TRPC4: variants seen among roughly 807,000 people sequenced by gnomAD.
The protein encoded by TRPC4 is transient receptor potential cation channel subfamily C member 4.
TRPC4 carries 49 observed loss-of-function variants against 99.4 expected under a neutral mutation model. The observed-to-expected ratio is 0.49, with a 90% CI of 0.39 to 0.63. The LOEUF (loss-of-function observed/expected upper bound fraction) is 0.63, where lower values mean the gene tolerates loss of function less well. Among genes scored for constraint, TRPC4 ranks in the 20% least tolerant of loss-of-function variants. The pLI, the probability that TRPC4 is intolerant of heterozygous loss-of-function variation, is 0.00. For synonymous variants in TRPC4, 454 were observed against 425.9 expected (o/e 1.07, Z -0.81); for missense variants, 898 against 1,152.9 (o/e 0.78, Z 3.20).
Position 37,651,342 on chromosome 13 carries a change from A to T in TRPC4, c.2002T>A (p.Tyr668Asn). 1 of 1,614,136 alleles carries T rather than the reference A, an allele frequency of 6.2e-7. No individual in the cohort carries two copies. The highest frequency in any genetic ancestry group is 1.7e-4 in the Middle Eastern group (1 of 6,060). ...TGTGTCCAGATCCATTTGATCAGGT[A>T]CCAGAGAGACTTGGGGCTCGGGATG... ...NVIPSPKSLW[Y>N]LIKWIWTHLC... Residue 668 changes from tyrosine (Y) to asparagine (N), a missense_variant, in exon 8 of 11, where the codon TAC becomes AAC. Tyr to Asn is a moderately radical substitution (Grantham distance 143). Around this residue, in one of 3 missense-constraint regions of TRPC4, gnomAD observed 274 missense variants for 454.9 expected, o/e 0.60. Transcript: ENST00000379705.
chr13:37,864,672 G>A (rs939400074), intron 1 of TRPC4, among the ~76,000 whole-genome samples: 2 of 151,544 alleles, frequency 1.3e-5, no homozygotes, highest in Non-Finnish European at 3.0e-5. Flanking sequence ...TCTAGATCTG[G>A]AGACAGATCT....
intron 3 of TRPC4, among the ~76,000 whole-genome samples, chr13:37,699,353 C>A (rs999484364): frequency 6.6e-6 from 1 of 151,876 alleles, no homozygotes; most frequent in Admixed American, 6.6e-5. Context: ...GACATATATA[C>A]ACAAGTATGT....
chr13:37,751,227 GA>G (rs1448532996), intron 2 of TRPC4, among the ~76,000 whole-genome samples: 1 of 152,028 alleles, frequency 6.6e-6, no homozygotes, highest in Non-Finnish European at 1.5e-5. Flanking sequence ...GTATCCTCCG[GA>G]GCTCCTGTTT....
Position 37,850,355 on chromosome 13 carries a change from C to G in TRPC4, c.-28+19240G>C, listed in dbSNP as rs546184681. Among the ~76,000 whole-genome samples the G allele has an allele frequency of 3.3e-5, 5 of 152,292 alleles. No individual in the cohort carries two copies. In the East Asian group the frequency reaches 9.7e-4, roughly 29 times the overall value. The stretch of plus-strand genomic sequence containing the variant: ...AGAGCTCTTAGTTGGAACTCAGTTA[C>G]AAGTAATTTGTGCCAGATTAATAGT... On this transcript the variant is annotated intron_variant, in intron 1 of 10. Transcript: ENST00000379705.
intron 1 of TRPC4, among the ~76,000 whole-genome samples, chr13:37,847,793 T>C (rs903891420): frequency 2.0e-5 from 3 of 152,144 alleles, no homozygotes; most frequent in Non-Finnish European, 4.4e-5. Context: ...AAAGTGGACC[T>C]TATGAAGTCC....
chr13:37,717,021 G>A (rs1397293947), intron 3 of TRPC4, among the ~76,000 whole-genome samples: 1 of 152,130 alleles, frequency 6.6e-6, no homozygotes, highest in African/African-American at 2.4e-5. Context: ...TAGAGTAAGT[G>A]TGTAATAACA....
rs192073333 is a variant in TRPC4 at position 37,791,712 on chromosome 13, G to C, written c.-27-8352C>G. 1.4e-4 allele frequency among the ~76,000 whole-genome samples: 21 copies of C among 152,234 alleles called. No homozygotes were observed. In the East Asian group the frequency reaches 3.7e-3, roughly 27 times the overall value. ...GGGAAACAAGTTTTAAGATGAGATGGAGAAATTTGCAGGAGGAGAAGAGAT... is the reference window on the plus strand; with the variant it reads ...GGGAAACAAGTTTTAAGATGAGATGCAGAAATTTGCAGGAGGAGAAGAGAT... On this transcript the variant is annotated intron_variant, in intron 1 of 10. Transcript: ENST00000379705.
chr13:37,703,250 T>C (rs1954159780), intron 3 of TRPC4, among the ~76,000 whole-genome samples: 1 of 152,076 alleles, frequency 6.6e-6, no homozygotes. Flanking sequence ...GCCACACAGG[T>C]ACATAAAATT....
intron 1 of TRPC4, among the ~76,000 whole-genome samples, chr13:37,827,930 T>C (rs978335596): frequency 1.3e-5 from 2 of 152,138 alleles, no homozygotes; most frequent in Admixed American, 1.3e-4. Flanking sequence ...CGAGACTCCA[T>C]GGGCGTAGGA....
At chr13:37,692,675 T>C (rs2138882613) in intron 3 of TRPC4, among the ~76,000 whole-genome samples, 1 of 152,316 alleles carries the variant, frequency 6.6e-6, no homozygotes, top group Middle Eastern at 3.4e-3. Flanking sequence ...CACACCTATA[T>C]ACACATATAT....
chr13:37,696,021 G>A (rs540056864), intron 3 of TRPC4, among the ~76,000 whole-genome samples: 112 of 152,276 alleles, frequency 7.4e-4, no homozygotes, highest in Middle Eastern at 3.4e-3. Flanking sequence ...AGACATACCC[G>A]AAACTGGGCA....
At chr13:37,736,318 T>C (rs1955392521) in intron 3 of TRPC4, among the ~76,000 whole-genome samples, 1 of 152,146 alleles carries the variant, frequency 6.6e-6, no homozygotes, top group Non-Finnish European at 1.5e-5. Context: ...GAGAGGCAGA[T>C]GCTCAGCAAT....
intron 3 of TRPC4, among the ~76,000 whole-genome samples, chr13:37,732,754 C>T (rs1417609789): frequency 6.6e-6 from 1 of 151,960 alleles, no homozygotes; most frequent in Non-Finnish European, 1.5e-5. Flanking sequence ...ATATATTTAA[C>T]CATGGAGGTG....
At chr13:37,824,950 T>C (rs1304583936) in intron 1 of TRPC4, among the ~76,000 whole-genome samples, 1 of 152,112 alleles carries the variant, frequency 6.6e-6, no homozygotes, top group Non-Finnish European at 1.5e-5. Flanking sequence ...CAATTTCTGA[T>C]CCTGTTATTG....
chr13:37,795,592 G>A (rs1331331816), intron 1 of TRPC4, among the ~76,000 whole-genome samples: 1 of 152,150 alleles, frequency 6.6e-6, no homozygotes, highest in Admixed American at 6.6e-5. Context: ...CTATACAGAA[G>A]CAAGGAATTC....
At chr13:37,743,310 A>G (rs1368440361) in intron 3 of TRPC4, among the ~76,000 whole-genome samples, 1 of 152,146 alleles carries the variant, frequency 6.6e-6, no homozygotes, top group Non-Finnish European at 1.5e-5. Context: ...ATAACTTCAT[A>G]TTAGCAAGAA....
intron 2 of TRPC4, among the ~76,000 whole-genome samples, chr13:37,759,547 A>G (rs1183550509): frequency 6.6e-6 from 1 of 151,932 alleles, no homozygotes; most frequent in East Asian, 1.9e-4. Context: ...AAAAAATCTT[A>G]TAAGCAATCC....
At chr13:37,739,866 T>C (rs1287753440) in intron 3 of TRPC4, among the ~76,000 whole-genome samples, 2 of 152,070 alleles carry the variant, frequency 1.3e-5, no homozygotes, top group African/African-American at 4.8e-5. Context: ...TTTCCCCAAA[T>C]TATATACTCC....
At chr13:37,779,295 A>G (rs554287588) in intron 2 of TRPC4, among the ~76,000 whole-genome samples, 2 of 152,142 alleles carry the variant, frequency 1.3e-5, no homozygotes, top group South Asian at 4.1e-4. Flanking sequence ...AGGTATCAAG[A>G]AGGTTAAAGC....
Sources: allele counts gnomAD v4.1 joint callset (sites outside exome capture counted in the v4.1 genomes callset), GRCh38; gene constraint gnomAD v4.1.1; regional missense constraint gnomAD v4.1.1; transcripts MANE v1.5; gene names NCBI Gene and HGNC (gene_info 2026-07-23, HGNC 2026-07-21).